The following JAKMIP1 variants were observed in gnomAD, a reference collection of about 807,000 sequenced individuals.
The protein encoded by JAKMIP1 is janus kinase and microtubule-interacting protein 1.
JAKMIP1 carries 33 observed loss-of-function variants against 113.0 expected under a neutral mutation model. The ratio of observed to expected loss-of-function variants is 0.29; its 90% CI spans 0.22 to 0.39. The LOEUF is 0.39. Among genes scored for constraint, JAKMIP1 ranks in the 10% least tolerant of loss-of-function variants. The probability of loss-of-function intolerance (pLI) is 1.00; values close to 1 mark genes in which losing one functional copy is unlikely to be tolerated. For synonymous variants in JAKMIP1, 480 were observed against 459.9 expected, an observed-to-expected ratio of 1.04 and a Z score of -0.56; for missense variants, 813 against 1,080.5, an observed-to-expected ratio of 0.75 and a Z score of 3.47.
chr4:6,157,683 C>T lies in JAKMIP1; in HGVS notation c.-148+42570G>A, dbSNP rs1432404445. On this transcript the variant is annotated intron_variant, in intron 1 of 20. Coordinates refer to ENST00000409021, the MANE Select transcript of JAKMIP1 (RefSeq NM_001099433.2). This position sits in a 1 kb window ranked among gnomAD's most constrained non-coding sequence, Gnocchi z 4.7. ...GGACATGCTACCTAACCCCTGCTTTCTCCTGTTTAAACTGGTGCCAGTTGT... is the reference window on the plus strand; with the variant it reads ...GGACATGCTACCTAACCCCTGCTTTTTCCTGTTTAAACTGGTGCCAGTTGT... Among the ~76,000 whole-genome samples the T allele has an allele frequency of 6.6e-6, 1 of 152,298 alleles. No homozygotes were observed.
At chr4:6,111,673 A>G (rs1714954614) in intron 2 of JAKMIP1, among the ~76,000 whole-genome samples, 1 of 152,224 alleles carries the variant, frequency 6.6e-6, no homozygotes, top group Non-Finnish European at 1.5e-5. Flanking sequence ...GGGTCTGCCT[A>G]GAAAGCCTGT....
chr4:6,082,267 G>A (rs1302692636), intron 5 of JAKMIP1, among the ~76,000 whole-genome samples: 3 of 151,778 alleles, frequency 2.0e-5, no homozygotes, highest in African/African-American at 4.8e-5. Flanking sequence ...AGACCCCTGC[G>A]TTTACTCCCC....
In JAKMIP1 at chr4:6,157,659, G is replaced by A. The variant is rs1722414456; in HGVS notation, c.-148+42594C>T. Among the ~76,000 whole-genome samples, 1 of 152,112 alleles carries A rather than the reference G, an allele frequency of 6.6e-6. No individual in the cohort carries two copies. The highest frequency in any genetic ancestry group is 1.5e-5 in the Non-Finnish European group (1 of 68,022). The stretch of plus-strand genomic sequence containing the variant: ...AGCCATCTTCCCCAGCGTAGCCCTG[G>A]ACATGCTACCTAACCCCTGCTTTCT... On this transcript the variant is annotated intron_variant, in intron 1 of 20. Coordinates refer to ENST00000409021, the MANE Select transcript of JAKMIP1 (RefSeq NM_001099433.2). This position sits in a 1 kb window ranked among gnomAD's most constrained non-coding sequence, Gnocchi z 4.7.
At position 6,064,947 on chromosome 4, in the gene JAKMIP1, G is replaced by A. The variant is rs928825669; in HGVS notation, c.1364C>T (p.Ser455Phe). ...CCTGTCTGTGTTGTAGGATGTTTCGGACAACGTTTCTGAGTCCACAGACTC... is the reference window on the plus strand; with the variant it reads ...CCTGTCTGTGTTGTAGGATGTTTCGAACAACGTTTCTGAGTCCACAGACTC... ...DEESVDSETL[S>F]ETSYNTDRTD... The change falls in exon 9 of 21, where the codon TCC (serine) becomes TTC (phenylalanine). Residue 455 changes from serine (S) to phenylalanine (F), a missense_variant. Coordinates refer to ENST00000409021, the MANE Select transcript of JAKMIP1 (RefSeq NM_001099433.2). The surrounding 1 kb of genome is among the most constrained non-coding windows in gnomAD (Gnocchi z 4.3). The A allele has an allele frequency of 6.2e-7, 1 of 1,613,962 alleles. No homozygotes were observed. The highest frequency in any genetic ancestry group is 8.5e-7 in the Non-Finnish European group (1 of 1,180,016).
Position 6,176,861 on chromosome 4 carries a change from T to C in JAKMIP1, c.-148+23392A>G, listed in dbSNP as rs573676203. Among the ~76,000 whole-genome samples, 1 of 152,070 alleles carries C rather than the reference T, an allele frequency of 6.6e-6. No homozygotes were observed. The highest frequency in any genetic ancestry group is 1.5e-5 in the Non-Finnish European group (1 of 68,010). Reference sequence around the variant, plus strand: ...CAGCCTGGGCAACATGGCGAAACCCTGCCTCTACAAAAAATACAAAAATTA... The same window carrying C: ...CAGCCTGGGCAACATGGCGAAACCCCGCCTCTACAAAAAATACAAAAATTA... On this transcript the variant is annotated intron_variant, in intron 1 of 20. Transcript: ENST00000409021. This position sits in a 1 kb window ranked among gnomAD's most constrained non-coding sequence, Gnocchi z 5.5.
intron 8 of JAKMIP1, among the ~76,000 whole-genome samples, chr4:6,071,648 C>A (rs1044051464): frequency 2.0e-5 from 3 of 152,190 alleles, no homozygotes; most frequent in Admixed American, 2.0e-4. Flanking sequence ...GACAAGGTAC[C>A]CAGTCGGCCT....
rs1053747805 is a variant in JAKMIP1, at chr4:6,076,057, T to C, written c.1302+2882A>G. Among the ~76,000 whole-genome samples, 7 of 152,176 alleles carry C rather than the reference T, an allele frequency of 4.6e-5. No individual in the cohort carries two copies. Among genetic ancestry groups the C allele is most frequent in the Non-Finnish European group, 5.9e-5 (4 of 68,034 alleles). On this transcript the variant is annotated intron_variant, in intron 8 of 20. Coordinates refer to ENST00000409021, the MANE Select transcript of JAKMIP1 (RefSeq NM_001099433.2). This position sits in a 1 kb window ranked among gnomAD's most constrained non-coding sequence, Gnocchi z 4.8. ...CAGGCGTGGTGGCACATGCCTGTAA[T>C]CTCGGCTACTTGGGAGGCTGAGGCA...
Position 6,051,486 on chromosome 4 carries a change from C to T in JAKMIP1, c.1807-807G>A, listed in dbSNP as rs530718145. 4.6e-5 allele frequency among the ~76,000 whole-genome samples: 7 copies of T among 152,070 alleles called. No homozygotes were observed. Among genetic ancestry groups the T allele is most frequent in the Admixed American group, 2.0e-4 (3 of 15,284 alleles). On this transcript the variant is annotated intron_variant, in intron 13 of 20. Transcript: ENST00000409021. The surrounding 1 kb of genome is among the most constrained non-coding windows in gnomAD (Gnocchi z 5.0). ...CTCCAGAGACCTCAGGTGATCCACC[C>T]GCCTCGGCCTCCCAAAGTGCTGGGA...
intron 1 of JAKMIP1, among the ~76,000 whole-genome samples, chr4:6,151,006 C>T (rs1179052910): frequency 6.6e-6 from 1 of 152,094 alleles, no homozygotes; most frequent in Non-Finnish European, 1.5e-5. Flanking sequence ...CTCTTTCTCC[C>T]CAAGCTTTGG....
intron 18 of JAKMIP1, among the ~76,000 whole-genome samples, chr4:6,037,230 C>T (rs1713608919): frequency 6.9e-6 from 1 of 145,002 alleles, no homozygotes; most frequent in Non-Finnish European, 1.5e-5. Flanking sequence ...CCCTCCATCA[C>T]TGAGGCAGAG....
rs201367130 is a variant in JAKMIP1 at position 6,168,727 on chromosome 4, C to CA, written c.-148+31525dup. 0.04 allele frequency among the ~76,000 whole-genome samples: 5,793 copies of CA among 143,976 alleles called. 207 individuals carry two copies. The highest frequency in any genetic ancestry group is 0.11 in the African/African-American group (4,143 of 39,328). The allele number at this position is 143,976 out of a possible 152,430, so 94.5% of individuals were successfully genotyped here. A position where few individuals can be genotyped will look rare whatever the true frequency, so the allele number is the denominator to read the frequency against. On this transcript the variant is annotated intron_variant, in intron 1 of 20. Transcript: ENST00000409021. This position sits in a 1 kb window ranked among gnomAD's most constrained non-coding sequence, Gnocchi z 4.6. ...ACAGGATGGCAAATCCATGTCTCTA[C>CA]AAAAAAAAAACAAAACACAAAAATT...
chr4:6,077,802 C>A (rs999975186), intron 8 of JAKMIP1, among the ~76,000 whole-genome samples: 2 of 152,146 alleles, frequency 1.3e-5, no homozygotes, highest in Middle Eastern at 3.4e-3. Context: ...TGGCTCTAAG[C>A]CACTGATTTT....
chr4:6,075,212 A>G (rs1578162432), intron 8 of JAKMIP1, among the ~76,000 whole-genome samples: 1 of 152,306 alleles, frequency 6.6e-6, no homozygotes, highest in East Asian at 1.9e-4. Flanking sequence ...TGTTCAGTAG[A>G]GATGCAACCA....
Position 6,076,933 on chromosome 4 carries a change from C to T in JAKMIP1, c.1302+2006G>A, listed in dbSNP as rs10034108. The stretch of plus-strand genomic sequence containing the variant: ...GCCAGGTGTGAAATTTCCCTGGCCT[C>T]ATGTTGGTGCTGAGAAAGTTTCAGA... On this transcript the variant is annotated intron_variant, in intron 8 of 20. Transcript: ENST00000409021. This position sits in a 1 kb window ranked among gnomAD's most constrained non-coding sequence, Gnocchi z 4.8. Among the ~76,000 whole-genome samples, 11,542 of 152,136 alleles carry T rather than the reference C, an allele frequency of 0.076. 884 individuals carry two copies. Among genetic ancestry groups the T allele is most frequent in the African/African-American group, 0.2 (8,215 of 41,448 alleles).
chr4:6,030,773 C>T (rs1435357398), intron 19 of JAKMIP1, among the ~76,000 whole-genome samples: 2 of 152,222 alleles, frequency 1.3e-5, no homozygotes, highest in Non-Finnish European at 2.9e-5. Context: ...GAAGCCATCT[C>T]ACATTCCGTA....
intron 18 of JAKMIP1, among the ~76,000 whole-genome samples, chr4:6,036,915 T>TCGG (rs1713525480): frequency 2.5e-5 from 3 of 120,004 alleles, no homozygotes; most frequent in African/African-American, 9.4e-5. Context: ...AGGTTAACCA[T>TCGG]TAGCCCTCCA....
At chr4:6,131,281 T>C (rs1427322169) in intron 1 of JAKMIP1, among the ~76,000 whole-genome samples, 1 of 143,894 alleles carries the variant, frequency 6.9e-6, no homozygotes, top group Non-Finnish European at 1.5e-5. Context: ...TTTGAAGCAA[T>C]AGTATCTGAG....
intron 3 of JAKMIP1, among the ~76,000 whole-genome samples, chr4:6,095,730 G>A (rs1279669062): frequency 6.6e-6 from 1 of 152,164 alleles, no homozygotes; most frequent in East Asian, 1.9e-4. Flanking sequence ...CCTGGAAGTG[G>A]AATTAGCACA....
At position 6,162,987 on chromosome 4, in the gene JAKMIP1, G is replaced by T. The variant is rs968066770; in HGVS notation, c.-148+37266C>A. On this transcript the variant is annotated intron_variant, in intron 1 of 20. Coordinates refer to ENST00000409021, the MANE Select transcript of JAKMIP1 (RefSeq NM_001099433.2). This position sits in a 1 kb window ranked among gnomAD's most constrained non-coding sequence, Gnocchi z 5.6. ...ACACGGGAAGATGCTGGGAACATCT[G>T]GTTCTGTTGTCTGCTAATCAAATCC... Among the ~76,000 whole-genome samples, 1 of 152,216 alleles carries T rather than the reference G, an allele frequency of 6.6e-6. No individual in the cohort carries two copies. The highest frequency in any genetic ancestry group is 1.5e-5 in the Non-Finnish European group (1 of 68,046).
Sources: gnomAD v4.1 joint callset for allele counts (sites outside exome capture counted in the v4.1 genomes callset) on GRCh38, gnomAD v4.1.1 for gene constraint, Gnocchi (gnomAD v3.1) non-coding constraint, MANE v1.5 for transcripts, NCBI Gene and HGNC (gene_info 2026-07-23, HGNC 2026-07-21) for gene names.